The following TASP1 variants were observed in gnomAD, a reference collection of about 807,000 sequenced individuals.
TASP1 encodes threonine aspartase 1.
TASP1 carries 16 observed loss-of-function variants against 56.6 expected under a neutral mutation model. That is an observed-to-expected ratio of 0.28 (90% CI 0.19 to 0.43). TASP1 has a LOEUF of 0.43. Among genes scored for constraint, TASP1 ranks in the 20% least tolerant of loss-of-function variants. The pLI, the probability that TASP1 is intolerant of heterozygous loss-of-function variation, is 1.00. For synonymous variants in TASP1, 179 were observed against 184.2 expected, an observed-to-expected ratio of 0.97 and a Z score of 0.23; for missense variants, 393 against 511.6, an observed-to-expected ratio of 0.77 and a Z score of 2.24.
chr20:13,166,803 A>G, the TASP1 span: 2 of 152,164 alleles, frequency 1.3e-5, no homozygotes, highest in Admixed American at 1.3e-4. Context: ...TCACATCTAC[A>G]CTTCAAGTTT....
the TASP1 span, among the ~76,000 whole-genome samples, chr20:13,308,303 G>T: frequency 6.6e-6 from 1 of 152,164 alleles, no homozygotes; most frequent in East Asian, 1.9e-4. Flanking sequence ...ATGGTACCAT[G>T]GGACCAAATG....
At chr20:13,217,048 C>T in the TASP1 span, among the ~76,000 whole-genome samples, 3 of 152,186 alleles carry the variant, frequency 2.0e-5, no homozygotes, top group Non-Finnish European at 4.4e-5. Flanking sequence ...ACTAATCATT[C>T]TCACACCCAG....
intron 6 of TASP1, among the ~76,000 whole-genome samples, chr20:13,573,249 T>A (rs1040618035): frequency 6.6e-6 from 1 of 152,224 alleles, no homozygotes; most frequent in African/African-American, 2.4e-5. Context: ...AAATTCATAG[T>A]TTGAAACCTC....
the TASP1 span, among the ~76,000 whole-genome samples, chr20:13,131,918 C>A: frequency 1.6e-3 from 245 of 152,238 alleles, no homozygotes; most frequent in Non-Finnish European, 2.1e-3. Context: ...CCTCCATATA[C>A]CCTGCCACCC....
At chr20:13,329,502 T>A in the TASP1 span, among the ~76,000 whole-genome samples, 4 of 152,222 alleles carry the variant, frequency 2.6e-5, no homozygotes, top group Non-Finnish European at 4.4e-5. Flanking sequence ...CCACTCAGTC[T>A]GTGGCACTTT....
At chr20:13,421,953 C>CTTATTTTTTTTTTTT (rs1246920761) in intron 12 of TASP1, among the ~76,000 whole-genome samples, 4 of 139,040 alleles carry the variant, frequency 2.9e-5, no homozygotes, top group African/African-American at 1.1e-4. Context: ...TCTGTTTAAC[C>CTTATTTTTTTTTTTT]TTTTTTTTTT....
chr20:13,347,460 CT>C, the TASP1 span, among the ~76,000 whole-genome samples: 1 of 152,250 alleles, frequency 6.6e-6, no homozygotes. Flanking sequence ...TCTCTTCTTT[CT>C]GGTTCTAGAG....
At chr20:13,146,188 T>C in the TASP1 span, among the ~76,000 whole-genome samples, 2 of 152,036 alleles carry the variant, frequency 1.3e-5, no homozygotes, top group East Asian at 3.9e-4. Context: ...TAAAACCAAA[T>C]ACCACATGTT....
chr20:13,240,016 G>A, the TASP1 span, among the ~76,000 whole-genome samples: 28 of 152,342 alleles, frequency 1.8e-4, no homozygotes, highest in Admixed American at 3.3e-4. Flanking sequence ...TACAGGAGCA[G>A]AAAGGTAATT....
the TASP1 span, among the ~76,000 whole-genome samples, chr20:13,119,652 T>G: frequency 6.6e-6 from 1 of 152,208 alleles, no homozygotes; most frequent in Non-Finnish European, 1.5e-5. Flanking sequence ...CACCTTTCTC[T>G]GTCTTCTCTT....
the TASP1 span, among the ~76,000 whole-genome samples, chr20:13,286,595 T>G: frequency 6.6e-6 from 1 of 152,260 alleles, no homozygotes; most frequent in South Asian, 2.1e-4. Flanking sequence ...GGGGGGCAGA[T>G]AAGATGGGAG....
the TASP1 span, among the ~76,000 whole-genome samples, chr20:13,373,651 C>T: frequency 5.9e-5 from 9 of 152,044 alleles, no homozygotes; most frequent in African/African-American, 2.2e-4. Flanking sequence ...TTATAAATGA[C>T]ATTTTTCTCT....
chr20:13,393,452 G>C, intron 13 of TASP1: 1 of 786,812 alleles, frequency 1.3e-6, no homozygotes, highest in Non-Finnish European at 2.2e-6. Context: ...ATATCAAGAA[G>C]GTGGTGAAGC....
the TASP1 span, among the ~76,000 whole-genome samples, chr20:13,237,046 T>C: frequency 6.6e-6 from 1 of 152,222 alleles, no homozygotes; most frequent in Non-Finnish European, 1.5e-5. Context: ...AGGGACTCTG[T>C]GTGGGGGCTC....
chr20:13,160,181 C>A, the TASP1 span: 2 of 1,548,624 alleles, frequency 1.3e-6, no homozygotes, highest in Non-Finnish European at 1.8e-6. Context: ...ACCTTGGATT[C>A]AAAGCAAGTC....
chr20:13,337,200 T>C, the TASP1 span, among the ~76,000 whole-genome samples: 1 of 152,136 alleles, frequency 6.6e-6, no homozygotes, highest in South Asian at 2.1e-4. Context: ...TTAAGAGGAA[T>C]ATTCTGGCTC....
rs556322387 is a variant in TASP1, at chr20:13,406,612, G to A, written c.1170+10836C>T. Among the ~76,000 whole-genome samples the A allele has an allele frequency of 9.2e-5, 14 of 151,572 alleles. No individual in the cohort carries two copies. In the East Asian group the frequency reaches 2.3e-3, roughly 25 times the overall value. The stretch of plus-strand genomic sequence containing the variant: ...TAGCTGTAGGTTTTTGATAGATGAC[G>A]CCCTTAATCACATTGAGGAATTTTC... On this transcript the variant is annotated intron_variant, in intron 13 of 13. Coordinates refer to ENST00000337743, the MANE Select transcript of TASP1 (RefSeq NM_017714.3).
intron 11 of TASP1, among the ~76,000 whole-genome samples, chr20:13,438,713 C>G (rs569862761): frequency 1.3e-5 from 2 of 152,280 alleles, no homozygotes; most frequent in Middle Eastern, 3.4e-3. Context: ...TCAGAGTGAA[C>G]AGGCAACCTA....
intron 8 of TASP1, among the ~76,000 whole-genome samples, chr20:13,548,780 G>C (rs990912045): frequency 9.2e-5 from 14 of 152,138 alleles, no homozygotes; most frequent in African/African-American, 3.1e-4. Flanking sequence ...TTTATGCAAT[G>C]GGTGCTTTTC....
Sources: gnomAD v4.1 joint callset for allele counts (sites outside exome capture counted in the v4.1 genomes callset) on GRCh38, gnomAD v4.1.1 for gene constraint, MANE v1.5 for transcripts, NCBI Gene and HGNC (gene_info 2026-07-23, HGNC 2026-07-21) for gene names.